The following PDE9A variants were observed in gnomAD, a reference collection of about 807,000 sequenced individuals.
PDE9A encodes the protein high affinity cGMP-specific 3',5'-cyclic phosphodiesterase 9A.
In PDE9A, 60 loss-of-function variants were observed where a neutral mutation model predicts 87.4. That is an observed-to-expected ratio of 0.69 (90% CI 0.56 to 0.85). The LOEUF (loss-of-function observed/expected upper bound fraction) is 0.85, where lower values mean the gene tolerates loss of function less well. Among genes scored for constraint, PDE9A ranks in the 40% least tolerant of loss-of-function variants. The pLI, the probability that PDE9A is intolerant of heterozygous loss-of-function variation, is 0.00. For missense variants in PDE9A, 665 were observed against 779.0 expected (o/e 0.85, Z 1.74); for synonymous variants, 272 against 279.4 (o/e 0.97, Z 0.27).
In PDE9A at chr21:42,739,710, G is replaced by A. The variant is rs972754305; in HGVS notation, c.569-4066G>A. Among the ~76,000 whole-genome samples, 4 of 151,974 alleles carry A rather than the reference G, an allele frequency of 2.6e-5. No homozygotes were observed. The highest frequency in any genetic ancestry group is 3.2e-3 in the Middle Eastern group (1 of 316). The stretch of plus-strand genomic sequence containing the variant: ...CACCTCAATAGGTAGCCAGGGAAGC[G>A]GATCTCGGTGGACTCTGCACTGTCA... On this transcript the variant is annotated intron_variant, in intron 7 of 19. Transcript: ENST00000291539. The surrounding 1 kb of genome is among the most constrained non-coding windows in gnomAD (Gnocchi z 4.1).
In PDE9A at chr21:42,679,757, C is replaced by T. The variant is rs147124811; in HGVS notation, c.70-6435C>T. Among the ~76,000 whole-genome samples the T allele has an allele frequency of 9.2e-5, 14 of 152,282 alleles. No homozygotes were observed. The East Asian group carries it at 1.9e-3, about 21-fold the overall frequency. The stretch of plus-strand genomic sequence containing the variant: ...AATGCCTCTGGACCCGGAAAGGAAA[C>T]GACTCACCCCCCACCCATGAGAGAC... On this transcript the variant is annotated intron_variant, in intron 1 of 19. Coordinates refer to ENST00000291539, the MANE Select transcript of PDE9A (RefSeq NM_002606.3).
chr21:42,758,713 T>G (rs1245955311), intron 10 of PDE9A: 1 of 385,696 alleles, frequency 2.6e-6, no homozygotes, highest in Non-Finnish European at 4.8e-6. Flanking sequence ...GAATTCTCCT[T>G]GACTTCGGAA....
intron 3 of PDE9A, among the ~76,000 whole-genome samples, chr21:42,688,546 C>A (rs935343929): frequency 6.6e-6 from 1 of 152,148 alleles, no homozygotes; most frequent in East Asian, 1.9e-4. Context: ...AGGAAGGACG[C>A]GGAGCAGGGG....
intron 3 of PDE9A, chr21:42,689,703 G>A: frequency 1.0e-6 from 1 of 985,432 alleles, no homozygotes; most frequent in Non-Finnish European, 1.2e-6. Flanking sequence ...ACAAGAGACA[G>A]TATCAGACAC....
At chr21:42,736,163 C>T (rs942620749) in intron 7 of PDE9A, among the ~76,000 whole-genome samples, 2 of 152,186 alleles carry the variant, frequency 1.3e-5, no homozygotes, top group Admixed American at 6.5e-5. Context: ...CAGCTCCCCC[C>T]ATGCTCTTCC....
intron 15 of PDE9A, among the ~76,000 whole-genome samples, chr21:42,767,705 C>T (rs1272003918): frequency 3.3e-5 from 5 of 152,136 alleles, no homozygotes; most frequent in African/African-American, 1.2e-4. Context: ...CATTTGTGCC[C>T]GGTGCAGGCA....
chr21:42,689,329 G>A (rs936378335), intron 3 of PDE9A, among the ~76,000 whole-genome samples: 2 of 152,220 alleles, frequency 1.3e-5, no homozygotes, highest in Non-Finnish European at 2.9e-5. Flanking sequence ...CCCGTCTCCT[G>A]CCCCACACAG....
At chr21:42,768,535 A>G in intron 16 of PDE9A, 1 of 1,302,388 alleles carries the variant, frequency 7.7e-7, no homozygotes, top group East Asian at 3.1e-5. Context: ...GTCACTGCTA[A>G]TTGAGCCATT....
At chr21:42,733,834 G>C (rs547705695) in intron 7 of PDE9A, 1 of 179,454 alleles carries the variant, frequency 5.6e-6, no homozygotes, top group African/African-American at 2.3e-5. Flanking sequence ...GTTATCTCTT[G>C]GTTTCTGATA....
chr21:42,736,691 G>T (rs779371286), intron 7 of PDE9A, among the ~76,000 whole-genome samples: 3 of 152,190 alleles, frequency 2.0e-5, no homozygotes, highest in Non-Finnish European at 4.4e-5. Flanking sequence ...AGTTGTGGAG[G>T]GTAAGGGAGG....
chr21:42,731,960 G>A lies in PDE9A; in HGVS notation c.442+11G>A. Reference sequence around the variant, plus strand: ...AGCGCATCCCTCCAGGTAACGGGCAGCTCCTCGGCCACAGCCTCCACCCCC... The same window carrying A: ...AGCGCATCCCTCCAGGTAACGGGCAACTCCTCGGCCACAGCCTCCACCCCC... On this transcript the variant is annotated intron_variant, in intron 5 of 19. Transcript: ENST00000291539. 6.2e-7 allele frequency: 1 copy of A among 1,612,552 alleles called. No homozygotes were observed. The highest frequency in any genetic ancestry group is 8.5e-7 in the Non-Finnish European group (1 of 1,179,068).
chr21:42,662,355 C>T (rs2057568093), intron 1 of PDE9A, among the ~76,000 whole-genome samples: 1 of 152,046 alleles, frequency 6.6e-6, no homozygotes, highest in Admixed American at 6.5e-5. Context: ...CATCCACCCT[C>T]CCCCTACCTG....
chr21:42,699,485 G>A (rs1327331237), intron 4 of PDE9A, among the ~76,000 whole-genome samples: 1 of 152,100 alleles, frequency 6.6e-6, no homozygotes, highest in African/African-American at 2.4e-5. Context: ...GGCATTTGTG[G>A]CCCCTGGGAT....
At chr21:42,731,121 C>A (rs1472003623) in intron 4 of PDE9A, among the ~76,000 whole-genome samples, 1 of 152,182 alleles carries the variant, frequency 6.6e-6, no homozygotes, top group Non-Finnish European at 1.5e-5. Flanking sequence ...CCATGCCTGG[C>A]TAATTTTGTA....
chr21:42,714,690 T>C (rs1166713255), intron 4 of PDE9A, among the ~76,000 whole-genome samples: 2 of 150,610 alleles, frequency 1.3e-5, no homozygotes, highest in South Asian at 2.2e-4. Flanking sequence ...ATGGTTGGGG[T>C]TAGCTCTACC....
At chr21:42,709,712 C>A (rs148136091) in intron 4 of PDE9A, among the ~76,000 whole-genome samples, 3 of 152,278 alleles carry the variant, frequency 2.0e-5, no homozygotes, top group African/African-American at 7.2e-5. Flanking sequence ...GAGACAGGGT[C>A]TCACGCCTGT....
chr21:42,680,980 T>C (rs1156892771), intron 1 of PDE9A, among the ~76,000 whole-genome samples: 1 of 152,250 alleles, frequency 6.6e-6, no homozygotes, highest in Non-Finnish European at 1.5e-5. Flanking sequence ...TCCTAGAGAC[T>C]TGTGTGAAAA....
chr21:42,747,357 G>A (rs1300881848), intron 8 of PDE9A, among the ~76,000 whole-genome samples: 1 of 152,178 alleles, frequency 6.6e-6, no homozygotes, highest in Non-Finnish European at 1.5e-5. Flanking sequence ...CCAGCCAGAG[G>A]CCAGCGTTCT....
rs1250910571 is a variant in PDE9A at position 42,675,448 on chromosome 21, C to T, written c.70-10744C>T. ...TAGATTAGATCGTCCGTGGAAAGCACCAGAATGGTGCCTGGCACTTAATAA... is the reference window on the plus strand; with the variant it reads ...TAGATTAGATCGTCCGTGGAAAGCATCAGAATGGTGCCTGGCACTTAATAA... On this transcript the variant is annotated intron_variant, in intron 1 of 19. Transcript: ENST00000291539. The surrounding 1 kb of genome is among the most constrained non-coding windows in gnomAD (Gnocchi z 4.3). Among the ~76,000 whole-genome samples the T allele has an allele frequency of 3.3e-5, 5 of 152,202 alleles. No homozygotes were observed. Among genetic ancestry groups the T allele is most frequent in the South Asian group, 2.1e-4 (1 of 4,828 alleles).
Sources: allele counts gnomAD v4.1 joint callset (sites outside exome capture counted in the v4.1 genomes callset), GRCh38; gene constraint gnomAD v4.1.1; non-coding constraint Gnocchi (gnomAD v3.1); transcripts MANE v1.5; gene names NCBI Gene and HGNC (gene_info 2026-07-23, HGNC 2026-07-21).